CNKSR3: variants seen among roughly 807,000 people sequenced by gnomAD.
CNKSR3 encodes CNKSR family member 3.
CNKSR3 carries 36 observed loss-of-function variants against 67.7 expected under a neutral mutation model. The observed-to-expected ratio is 0.53, with a 90% CI of 0.41 to 0.70. The LOEUF is 0.70. Among genes scored for constraint, CNKSR3 ranks in the 30% least tolerant of loss-of-function variants. The pLI, the probability that CNKSR3 is intolerant of heterozygous loss-of-function variation, is 0.00. For missense variants in CNKSR3, 630 were observed against 695.2 expected (o/e 0.91, Z 1.05); for synonymous variants, 281 against 271.4 (o/e 1.04, Z -0.35).
intron 1 of CNKSR3, among the ~76,000 whole-genome samples, chr6:154,483,345 A>G (rs1786604743): frequency 6.6e-6 from 1 of 152,178 alleles, no homozygotes; most frequent in Non-Finnish European, 1.5e-5. Flanking sequence ...TCCATTCTGA[A>G]TCAGGCTGGA....
intron 1 of CNKSR3, among the ~76,000 whole-genome samples, chr6:154,503,784 G>T (rs1243029255): frequency 4.6e-5 from 7 of 152,132 alleles, no homozygotes; most frequent in East Asian, 1.9e-4. Flanking sequence ...CGTAAGACTG[G>T]TTTTTTACTT....
chr6:154,420,246 A>C (rs1015224345), intron 9 of CNKSR3, among the ~76,000 whole-genome samples: 4 of 150,786 alleles, frequency 2.7e-5, no homozygotes, highest in Non-Finnish European at 4.4e-5. Flanking sequence ...AAAAAAATTG[A>C]ACTCTTAGAA....
intron 12 of CNKSR3, among the ~76,000 whole-genome samples, 159 bp downstream of exon 12, chr6:154,410,184 T>C (rs1784878443): frequency 6.6e-6 from 1 of 152,234 alleles, no homozygotes; most frequent in South Asian, 2.1e-4. Flanking sequence ...ATCTTAAAGA[T>C]CTTCAGCAGT....
chr6:154,504,896 C>G (rs923278553), intron 1 of CNKSR3, among the ~76,000 whole-genome samples: 1 of 151,592 alleles, frequency 6.6e-6, no homozygotes, highest in Non-Finnish European at 1.5e-5. Flanking sequence ...TAAATAAACA[C>G]TTAGAACAGC....
intron 1 of CNKSR3, among the ~76,000 whole-genome samples, chr6:154,477,199 GAACT>G (rs1234217588): frequency 2.0e-5 from 3 of 151,620 alleles, no homozygotes; most frequent in African/African-American, 7.3e-5. Context: ...TTCAATCACT[GAACT>G]ATCAAAAATG....
chr6:154,507,701 A>C (rs112634393), intron 1 of CNKSR3, among the ~76,000 whole-genome samples: 4 of 152,164 alleles, frequency 2.6e-5, no homozygotes, highest in African/African-American at 7.2e-5. Flanking sequence ...GGGCACAGGC[A>C]TTTTGTATAA....
intron 2 of CNKSR3, among the ~76,000 whole-genome samples, chr6:154,447,714 C>T (rs1047153212): frequency 6.6e-6 from 1 of 152,142 alleles, no homozygotes; most frequent in Admixed American, 6.5e-5. Context: ...CCCTTCCTTA[C>T]TTTTAATTAT....
intron 1 of CNKSR3, among the ~76,000 whole-genome samples, chr6:154,465,712 A>G (rs753289987): frequency 9.2e-5 from 14 of 152,238 alleles, no homozygotes; most frequent in Admixed American, 2.6e-4. Context: ...AACTTAGCTT[A>G]CTGTCTGTGA....
chr6:154,488,680 CA>C (rs1786725317), intron 1 of CNKSR3, among the ~76,000 whole-genome samples: 1 of 152,094 alleles, frequency 6.6e-6, no homozygotes, highest in Non-Finnish European at 1.5e-5. Flanking sequence ...AACACAATTT[CA>C]AATTGCTAAA....
In CNKSR3 at chr6:154,392,191, C is replaced by G. The variant is rs1379672914; in HGVS notation, c.*14163G>C. 2.7e-5 allele frequency: 4 copies of G among 147,136 alleles called. No homozygotes were observed. Among genetic ancestry groups the G allele is most frequent in the Non-Finnish European group, 5.9e-5 (4 of 67,390 alleles). 9.1% of individuals were successfully genotyped at this position (147,136 alleles called of 1,614,324 possible). A position where few individuals can be genotyped will look rare whatever the true frequency, so the allele number is the denominator to read the frequency against. ...AGCCACTGCACTCCAGCCTGGGCAA[C>G]AGAGAGAGACTCCATCTCAAAAAAA... On this transcript the variant is annotated 3_prime_UTR_variant, in exon 13 of 13. Transcript: ENST00000607772.
intron 4 of CNKSR3, chr6:154,434,032 T>C (rs975711732): frequency 2.6e-5 from 4 of 152,316 alleles, no homozygotes; most frequent in African/African-American, 9.7e-5. Context: ...CAGTCCTTGA[T>C]AGATGAAAAG....
At chr6:154,503,940 G>A (rs769772270) in intron 1 of CNKSR3, among the ~76,000 whole-genome samples, 3 of 152,180 alleles carry the variant, frequency 2.0e-5, no homozygotes, top group Non-Finnish European at 2.9e-5. Context: ...TTGCAGCTAC[G>A]TGCTAGAACA....
At chr6:154,458,012 C>G (rs1392254258) in intron 1 of CNKSR3, among the ~76,000 whole-genome samples, 1 of 152,224 alleles carries the variant, frequency 6.6e-6, no homozygotes, top group Admixed American at 6.5e-5. Flanking sequence ...ATCCTGCCAG[C>G]TGCCTGTTTC....
chr6:154,491,642 A>G (rs1786785942), intron 1 of CNKSR3, among the ~76,000 whole-genome samples: 1 of 152,072 alleles, frequency 6.6e-6, no homozygotes, highest in Non-Finnish European at 1.5e-5. Context: ...AGAGCTATTT[A>G]CTCATTTCCT....
intron 1 of CNKSR3, among the ~76,000 whole-genome samples, chr6:154,470,187 C>CTTT (rs1562347543): frequency 1.2e-5 from 1 of 80,878 alleles, no homozygotes; most frequent in African/African-American, 5.5e-5. Context: ...TACTTTCTTT[C>CTTT]CTTTTTTTTT....
At chr6:154,428,363 A>G (rs1785296786) in intron 6 of CNKSR3, among the ~76,000 whole-genome samples, 176 bp from the exon 7 acceptor site, 1 of 152,236 alleles carries the variant, frequency 6.6e-6, no homozygotes, top group Admixed American at 6.5e-5. Context: ...AGCTAAGCAA[A>G]CTGAAATACT....
chr6:154,433,098 A>G (rs949747366), intron 5 of CNKSR3, among the ~76,000 whole-genome samples: 9 of 152,196 alleles, frequency 5.9e-5, no homozygotes, highest in African/African-American at 1.7e-4. Flanking sequence ...CCCCTCCATC[A>G]TAAGGTTTTT....
intron 1 of CNKSR3, among the ~76,000 whole-genome samples, chr6:154,509,003 T>A (rs1787157725): frequency 6.6e-6 from 1 of 152,140 alleles, no homozygotes; most frequent in Admixed American, 6.5e-5. Context: ...CCAAGGACAA[T>A]AACAGAGAGA....
intron 1 of CNKSR3, among the ~76,000 whole-genome samples, chr6:154,479,578 TA>T (rs1786525094): frequency 6.6e-6 from 1 of 152,148 alleles, no homozygotes; most frequent in Admixed American, 6.5e-5. Flanking sequence ...CTGCGACAGC[TA>T]GGAATGCATG....
Sources: gnomAD v4.1 joint callset for allele counts (sites outside exome capture counted in the v4.1 genomes callset) on GRCh38, gnomAD v4.1.1 for gene constraint, MANE v1.5 for transcripts, NCBI Gene and HGNC (gene_info 2026-07-23, HGNC 2026-07-21) for gene names.